The following SPAG16 variants were observed in gnomAD, a reference collection of about 807,000 sequenced individuals.
SPAG16 encodes the protein sperm-associated antigen 16 protein.
A neutral mutation model predicts 80.4 loss-of-function variants in SPAG16; 86 were observed. That is an observed-to-expected ratio of 1.07 (90% CI 0.90 to 1.28). The LOEUF (loss-of-function observed/expected upper bound fraction) is 1.28. Ranked by LOEUF, SPAG16 falls within the 50% of genes most tolerant of loss-of-function variation. SPAG16 has a pLI of 0.00. For missense variants in SPAG16, 870 were observed against 765.3 expected, an observed-to-expected ratio of 1.14 and a Z score of -1.61; for synonymous variants, 294 against 265.9, an observed-to-expected ratio of 1.11 and a Z score of -1.03.
intron 10 of SPAG16, among the ~76,000 whole-genome samples, chr2:213,644,838 C>A (rs901689420): frequency 3.3e-5 from 5 of 152,178 alleles, no homozygotes; most frequent in African/African-American, 1.2e-4. Context: ...CACCCAAGGC[C>A]TGCTGTAACT....
intron 9 of SPAG16, among the ~76,000 whole-genome samples, chr2:213,483,564 A>G (rs1396715766): frequency 6.6e-6 from 1 of 152,206 alleles, no homozygotes; most frequent in African/African-American, 2.4e-5. Flanking sequence ...AGCAAGCCTC[A>G]GAATCACCTA....
chr2:213,335,707 G>A (rs992282192), intron 5 of SPAG16, among the ~76,000 whole-genome samples: 7 of 152,128 alleles, frequency 4.6e-5, no homozygotes, highest in Admixed American at 6.5e-5. Flanking sequence ...TTTCTTGCAC[G>A]TATAAGATTG....
chr2:214,073,006 A>G (rs181453378), intron 13 of SPAG16, among the ~76,000 whole-genome samples: 97 of 152,306 alleles, frequency 6.4e-4, no homozygotes, highest in Admixed American at 1.1e-3. Flanking sequence ...ATTTCTAGTG[A>G]CAATTAGTGG....
intron 6 of SPAG16, among the ~76,000 whole-genome samples, chr2:213,348,818 C>T (rs1195586329): frequency 3.3e-5 from 5 of 152,114 alleles, no homozygotes; most frequent in Non-Finnish European, 7.4e-5. Flanking sequence ...ACATTTTTTC[C>T]TTCATTTCAA....
intron 12 of SPAG16, among the ~76,000 whole-genome samples, chr2:213,952,150 G>A (rs188225647): frequency 6.6e-6 from 1 of 151,998 alleles, no homozygotes; most frequent in East Asian, 1.9e-4. Flanking sequence ...GATAATTTAA[G>A]GAAACCTAAA....
chr2:213,728,830 T>C (rs1449900714), intron 10 of SPAG16, among the ~76,000 whole-genome samples: 2 of 132,836 alleles, frequency 1.5e-5, no homozygotes, highest in African/African-American at 5.8e-5. Context: ...TGAGCTGAGA[T>C]TGCACCACTG....
rs148163064 is a variant in SPAG16, at chr2:214,333,281, T to C, written c.1721-76859T>C. Among the ~76,000 whole-genome samples, 548 of 152,376 alleles carry C rather than the reference T, an allele frequency of 3.6e-3. 1 individual carries two copies. Among genetic ancestry groups the C allele is most frequent in the Non-Finnish European group, 4.8e-3 (329 of 68,036 alleles). On this transcript the variant is annotated intron_variant, in intron 15 of 15. Coordinates refer to ENST00000331683, the MANE Select transcript of SPAG16 (RefSeq NM_024532.5). ...GCTTGATTTCCTTGGATTACATAGATTGAGCAATACTCTAGTTGGCTATCT... is the reference window on the plus strand; with the variant it reads ...GCTTGATTTCCTTGGATTACATAGACTGAGCAATACTCTAGTTGGCTATCT...
chr2:213,618,851 C>A (rs753410923), intron 10 of SPAG16, among the ~76,000 whole-genome samples: 3 of 151,868 alleles, frequency 2.0e-5, no homozygotes, highest in Non-Finnish European at 4.4e-5. Context: ...GCTAAATTTT[C>A]TTTCCAGATT....
intron 9 of SPAG16, among the ~76,000 whole-genome samples, chr2:213,381,916 T>A (rs2067195539): frequency 6.6e-6 from 1 of 152,236 alleles, no homozygotes. Flanking sequence ...CCAAGATTTC[T>A]GTTCACCTGA....
At chr2:213,931,154 G>A (rs1017661268) in intron 12 of SPAG16, among the ~76,000 whole-genome samples, 3 of 152,126 alleles carry the variant, frequency 2.0e-5, no homozygotes, top group African/African-American at 4.8e-5. Flanking sequence ...CATCCTGCAT[G>A]TGAAATTATT....
At chr2:214,119,833 G>A (rs995824016) in intron 14 of SPAG16, among the ~76,000 whole-genome samples, 1 of 151,722 alleles carries the variant, frequency 6.6e-6, no homozygotes, top group Non-Finnish European at 1.5e-5. Context: ...TTGTATATCT[G>A]GAAATGTCAT....
Position 214,281,836 on chromosome 2 carries a change from T to C in SPAG16, c.1721-128304T>C, listed in dbSNP as rs148757764. The stretch of plus-strand genomic sequence containing the variant: ...AGTATGTCCATACAATAAAATGTAA[T>C]AAACTACTGATAAACACAGTGTGGA... On this transcript the variant is annotated intron_variant, in intron 15 of 15. Coordinates refer to ENST00000331683, the MANE Select transcript of SPAG16 (RefSeq NM_024532.5). 2.2e-3 allele frequency among the ~76,000 whole-genome samples: 332 copies of C among 152,244 alleles called. 3 individuals carry two copies. Among genetic ancestry groups the C allele is most frequent in the African/African-American group, 6.4e-3 (264 of 41,564 alleles).
chr2:214,210,300 A>T (rs2058257059), intron 15 of SPAG16, among the ~76,000 whole-genome samples: 1 of 152,182 alleles, frequency 6.6e-6, no homozygotes, highest in African/African-American at 2.4e-5. Context: ...CAATAAGTTT[A>T]CTGAAAATTT....
rs558226009 is a variant in SPAG16 at position 213,362,401 on chromosome 2, A to G, written c.763-1675A>G. Among the ~76,000 whole-genome samples the G allele has an allele frequency of 2.6e-5, 4 of 152,336 alleles. No homozygotes were observed. In the East Asian group the frequency reaches 5.8e-4, roughly 22 times the overall value. On this transcript the variant is annotated intron_variant, in intron 7 of 15. Coordinates refer to ENST00000331683, the MANE Select transcript of SPAG16 (RefSeq NM_024532.5). ...TCAAGTAGGTGGAGCTTAACAACTC[A>G]GCTGTTGAGTGTTGGCTGCACTTTG... is the stretch of plus-strand genomic sequence containing the variant.
At chr2:213,555,086 G>A (rs2059386427) in intron 10 of SPAG16, among the ~76,000 whole-genome samples, 1 of 151,780 alleles carries the variant, frequency 6.6e-6, no homozygotes, top group Non-Finnish European at 1.5e-5. Context: ...GACCCCAAAA[G>A]CACCAAGAGA....
chr2:214,090,711 C>G (rs16851445), intron 13 of SPAG16, among the ~76,000 whole-genome samples: 3,773 of 152,056 alleles, frequency 0.025, 106 homozygotes, highest in South Asian at 0.15. Context: ...AGTTCCAAAC[C>G]CCATGTAACA....
intron 5 of SPAG16, among the ~76,000 whole-genome samples, chr2:213,320,347 G>C (rs2063564360): frequency 6.6e-6 from 1 of 151,946 alleles, no homozygotes; most frequent in Non-Finnish European, 1.5e-5. Context: ...ACAATGTGTA[G>C]TAATCAAATC....
chr2:214,149,079 A>ATATATG (rs2055833942), intron 14 of SPAG16, 61 bp from the exon 15 acceptor site: 1 of 230,898 alleles, frequency 4.3e-6, no homozygotes, highest in Non-Finnish European at 6.9e-6. Flanking sequence ...GTGTGTGTGT[A>ATATATG]TATATATATA....
intron 15 of SPAG16, chr2:214,241,356 G>GA (rs1190195766): frequency 1.7e-4 from 18 of 105,078 alleles, no homozygotes; most frequent in Admixed American, 5.6e-4. Context: ...AGACTCCGTT[G>GA]CCAAAAAAAA....
Sources: allele counts gnomAD v4.1 joint callset (sites outside exome capture counted in the v4.1 genomes callset), GRCh38; gene constraint gnomAD v4.1.1; transcripts MANE v1.5; gene names NCBI Gene and HGNC (gene_info 2026-07-23, HGNC 2026-07-21).